Variants in MTX2 observed in about 807,000 individuals in gnomAD.
The protein encoded by MTX2 is metaxin 2.
A neutral mutation model predicts 42.3 loss-of-function variants in MTX2; 35 were observed. The ratio of observed to expected loss-of-function variants is 0.83; its 90% CI spans 0.63 to 1.10. The LOEUF (loss-of-function observed/expected upper bound fraction) is 1.10, where lower values mean the gene tolerates loss of function less well. Among genes scored for constraint, MTX2 ranks in the 50% least tolerant of loss-of-function variants. MTX2 has a pLI of 0.00. For missense variants in MTX2, 307 were observed against 304.1 expected (o/e 1.01, Z -0.07); for synonymous variants, 119 against 100.9 (o/e 1.18, Z -1.08).
intron 9 of MTX2, among the ~76,000 whole-genome samples, chr2:176,334,478 G>T (rs977619341): frequency 2.6e-5 from 4 of 151,742 alleles, no homozygotes; most frequent in Non-Finnish European, 4.4e-5. Context: ...TACATCCTTG[G>T]TTTTTTGCAG....
chr2:176,302,055 A>G (rs548703551), intron 3 of MTX2, among the ~76,000 whole-genome samples: 71 of 152,132 alleles, frequency 4.7e-4, no homozygotes, highest in Non-Finnish European at 8.2e-4. Flanking sequence ...CCGTTGCACA[A>G]CAGAGACTTT....
At chr2:176,300,493 T>C (rs1449747408) in intron 3 of MTX2, among the ~76,000 whole-genome samples, 1 of 152,166 alleles carries the variant, frequency 6.6e-6, no homozygotes, top group Non-Finnish European at 1.5e-5. Context: ...ACACTTACAG[T>C]ACCTCTCAAT....
intron 1 of MTX2, among the ~76,000 whole-genome samples, chr2:176,270,763 C>G (rs1692787595): frequency 6.6e-6 from 1 of 152,082 alleles, no homozygotes; most frequent in Non-Finnish European, 1.5e-5. Flanking sequence ...GAAGCTCCTA[C>G]TAGATTGCAA....
intron 1 of MTX2, chr2:176,270,222 G>C (rs1284179809): frequency 2.5e-6 from 1 of 399,736 alleles, no homozygotes; most frequent in Non-Finnish European, 4.4e-6. Flanking sequence ...CGAGGCTGGA[G>C]TGCAGTGGCA....
At chr2:176,300,338 C>T (rs546876225) in intron 3 of MTX2, among the ~76,000 whole-genome samples, 27 of 152,152 alleles carry the variant, frequency 1.8e-4, no homozygotes, top group African/African-American at 5.5e-4. Flanking sequence ...CCTCATTTAA[C>T]AAAAGTAAAA....
intron 3 of MTX2, among the ~76,000 whole-genome samples, chr2:176,317,737 T>G (rs1264340975): frequency 6.6e-6 from 1 of 152,160 alleles, no homozygotes; most frequent in Non-Finnish European, 1.5e-5. Flanking sequence ...GTATGTATAC[T>G]TACCCTTAAC....
chr2:176,306,990 T>C (rs1684166077), intron 3 of MTX2, among the ~76,000 whole-genome samples: 1 of 152,244 alleles, frequency 6.6e-6, no homozygotes, highest in Non-Finnish European at 1.5e-5. Context: ...CCCATGCCTG[T>C]GTCCTGAATG....
chr2:176,320,351 C>T (rs867956251), intron 3 of MTX2, among the ~76,000 whole-genome samples: 4 of 152,026 alleles, frequency 2.6e-5, no homozygotes, highest in African/African-American at 9.7e-5. Context: ...GTTACCACTA[C>T]GCATGTAGTT....
At chr2:176,316,370 C>G (rs1684438910) in intron 3 of MTX2, among the ~76,000 whole-genome samples, 1 of 151,954 alleles carries the variant, frequency 6.6e-6, no homozygotes, top group Non-Finnish European at 1.5e-5. Flanking sequence ...GAGAAGCAAC[C>G]TTGCTCTTTA....
intron 1 of MTX2, among the ~76,000 whole-genome samples, chr2:176,271,122 A>AT (rs1363431039): frequency 1.3e-5 from 2 of 152,118 alleles, no homozygotes; most frequent in Non-Finnish European, 2.9e-5. Flanking sequence ...ATTTCTAGGC[A>AT]TTTTGTCTGT....
chr2:176,278,935 A>G (rs779576874), intron 1 of MTX2, among the ~76,000 whole-genome samples: 1 of 152,150 alleles, frequency 6.6e-6, no homozygotes. Flanking sequence ...CGCTCTATAA[A>G]TGAATTATGG....
At chr2:176,284,734 G>GA (rs1693155700) in intron 1 of MTX2, among the ~76,000 whole-genome samples, 1 of 151,682 alleles carries the variant, frequency 6.6e-6, no homozygotes, top group African/African-American at 2.4e-5. Context: ...AAATCTTCTT[G>GA]AAAAAAATTA....
chr2:176,310,707 C>A (rs1007164706), intron 3 of MTX2, among the ~76,000 whole-genome samples: 1 of 152,146 alleles, frequency 6.6e-6, no homozygotes, highest in Non-Finnish European at 1.5e-5. Flanking sequence ...GAATCTTGTG[C>A]ATGCGTCACG....
Position 176,283,026 on chromosome 2 carries a change from C to T in MTX2, c.40+13357C>T, listed in dbSNP as rs568923731. Among the ~76,000 whole-genome samples, 7 of 152,142 alleles carry T rather than the reference C, an allele frequency of 4.6e-5. No homozygotes were observed. In the South Asian group the frequency reaches 1.5e-3, roughly 32 times the overall value. On this transcript the variant is annotated intron_variant, in intron 1 of 9. Transcript: ENST00000249442. The stretch of plus-strand genomic sequence containing the variant: ...CAATCTAGTTTTATTCTTCCAATAA[C>T]CCAACAAGATAATTAATATTTCCCT...
At chr2:176,278,612 C>T (rs1032550601) in intron 1 of MTX2, among the ~76,000 whole-genome samples, 1 of 152,080 alleles carries the variant, frequency 6.6e-6, no homozygotes, top group Admixed American at 6.6e-5. Flanking sequence ...AACGTTAGCC[C>T]AAGCTTGCCA....
chr2:176,270,368 C>G (rs754716280), intron 1 of MTX2: 87 of 1,363,198 alleles, frequency 6.4e-5, no homozygotes, highest in Non-Finnish European at 8.1e-5. Flanking sequence ...TCTGCATGTA[C>G]TTTAAAGAAA....
intron 1 of MTX2, among the ~76,000 whole-genome samples, chr2:176,294,701 A>C (rs1354196479): frequency 6.6e-6 from 1 of 152,242 alleles, no homozygotes; most frequent in Non-Finnish European, 1.5e-5. Flanking sequence ...TATTCAGCAT[A>C]TGTTTAATGC....
intron 1 of MTX2, among the ~76,000 whole-genome samples, chr2:176,283,542 A>G (rs1473324360): frequency 6.6e-6 from 1 of 151,998 alleles, no homozygotes; most frequent in Non-Finnish European, 1.5e-5. Context: ...TCTGTGGGGG[A>G]TAATTTGTTC....
chr2:176,282,126 GTTTTT>G (rs71004264), intron 1 of MTX2, among the ~76,000 whole-genome samples: 1 of 26,426 alleles, frequency 3.8e-5, no homozygotes, highest in African/African-American at 1.6e-4. Context: ...AGTTACAGTA[GTTTTT>G]TTTTTTTTTT....
Sources: gnomAD v4.1 joint callset for allele counts (sites outside exome capture counted in the v4.1 genomes callset) on GRCh38, gnomAD v4.1.1 for gene constraint, MANE v1.5 for transcripts, NCBI Gene and HGNC (gene_info 2026-07-23, HGNC 2026-07-21) for gene names.